Variants in PGM5 observed in about 807,000 individuals in gnomAD.
PGM5 encodes the protein phosphoglucomutase-like protein 5.
A neutral mutation model predicts 59.2 loss-of-function variants in PGM5; 23 were observed. The ratio of observed to expected loss-of-function variants is 0.39; its 90% CI spans 0.28 to 0.55. PGM5 has a LOEUF of 0.55. Among genes scored for constraint, PGM5 ranks in the 20% least tolerant of loss-of-function variants. The probability of loss-of-function intolerance (pLI) is 0.66; values close to 1 mark genes in which losing one functional copy is unlikely to be tolerated. For synonymous variants in PGM5, 214 were observed against 286.0 expected, an observed-to-expected ratio of 0.75 and a Z score of 2.54; for missense variants, 574 against 748.3, an observed-to-expected ratio of 0.77 and a Z score of 2.72.
intron 10 of PGM5, among the ~76,000 whole-genome samples, chr9:68,509,380 G>A (rs550363320): frequency 2.0e-5 from 3 of 152,144 alleles, no homozygotes; most frequent in Non-Finnish European, 2.9e-5. Context: ...CATTTTTGTT[G>A]GTACAAATCA....
rs1323228684 is a variant in PGM5, at chr9:68,465,100, A to G, written c.1051A>G (p.Lys351Glu). The G allele has an allele frequency of 6.2e-7, 1 of 1,600,514 alleles. No individual in the cohort carries two copies. Among genetic ancestry groups the G allele is most frequent in the African/African-American group, 1.3e-5 (1 of 74,506 alleles). Residue 351 changes from lysine to glutamate, a missense_variant, in exon 7 of 11, where the codon AAA becomes GAA. Physicochemically the swap from Lys to Glu is moderately conservative, Grantham distance 56 (BLOSUM62 1). This residue lies in a region of PGM5 where 8 missense variants were observed against 75.4 expected (regional missense o/e 0.11). Transcript: ENST00000396396. ...TCAAATTTCATTTTTCAGAGTGGCC[A>G]AATCAATGAAGGTCCCTGTATATGA... ...PTSMALDRVAKSMKVPVYETP... is the reference protein window; with the variant it reads ...PTSMALDRVAESMKVPVYETP...
At chr9:68,527,938 C>T (rs1825014697) in intron 10 of PGM5, among the ~76,000 whole-genome samples, 1 of 152,230 alleles carries the variant, frequency 6.6e-6, no homozygotes, top group African/African-American at 2.4e-5. Flanking sequence ...ACAAGACTGG[C>T]TCACATCTCT....
chr9:68,470,801 A>G (rs949140224), intron 7 of PGM5, among the ~76,000 whole-genome samples: 1 of 152,320 alleles, frequency 6.6e-6, no homozygotes, highest in African/African-American at 2.4e-5. Flanking sequence ...TGACAGCATT[A>G]TCAGTGCTAG....
In PGM5 at chr9:68,358,222, C is replaced by A. The variant is rs546817235; in HGVS notation, c.261+834C>A. On this transcript the variant is annotated intron_variant, in intron 1 of 10. Transcript: ENST00000396396. The stretch of plus-strand genomic sequence containing the variant: ...TTTTGGCATTTGACAACATTTCATG[C>A]CTCTTCCCCTTTCGGTTTTCATCCT... 4.9e-4 allele frequency among the ~76,000 whole-genome samples: 75 copies of A among 152,302 alleles called. 1 individual carries two copies. In the South Asian group the frequency reaches 0.015, roughly 30 times the overall value.
chr9:68,499,112 T>C, intron 9 of PGM5, 115 bp from the exon 10 acceptor site: 1 of 1,129,498 alleles, frequency 8.9e-7, no homozygotes, highest in Non-Finnish European at 1.3e-6. Flanking sequence ...ATAAATGGTC[T>C]TGATTCTGAT....
chr9:68,523,228 G>A (rs1824924460), intron 10 of PGM5, among the ~76,000 whole-genome samples: 1 of 152,196 alleles, frequency 6.6e-6, no homozygotes, highest in Non-Finnish European at 1.5e-5. Context: ...TGCAGCCTGG[G>A]TTTGGGCTGG....
chr9:68,465,033 G>C, intron 6 of PGM5, 60 bp from the exon 7 acceptor site: 2 of 1,109,804 alleles, frequency 1.8e-6, no homozygotes, highest in Non-Finnish European at 2.7e-6. Context: ...CTACTGTGCT[G>C]AGAAAAAAAA....
intron 10 of PGM5, among the ~76,000 whole-genome samples, chr9:68,515,422 C>T (rs1006809394): frequency 1.8e-4 from 28 of 152,222 alleles, no homozygotes; most frequent in African/African-American, 5.8e-4. Flanking sequence ...TGCTACTCAA[C>T]TCTGCCACTC....
chr9:68,522,894 G>C (rs1293689590), intron 10 of PGM5, among the ~76,000 whole-genome samples: 2 of 152,046 alleles, frequency 1.3e-5, no homozygotes, highest in African/African-American at 4.8e-5. Context: ...TTCTTCTCCT[G>C]GTTTCACCCT....
intron 3 of PGM5, among the ~76,000 whole-genome samples, chr9:68,386,975 T>C (rs2132004655): frequency 6.6e-6 from 1 of 151,980 alleles, no homozygotes; most frequent in Non-Finnish European, 1.5e-5. Flanking sequence ...TGCACTCGAA[T>C]CTGGTAGGCA....
intron 6 of PGM5, among the ~76,000 whole-genome samples, chr9:68,447,041 C>A (rs1394516526): frequency 1.3e-5 from 2 of 152,098 alleles, no homozygotes; most frequent in African/African-American, 2.4e-5. Flanking sequence ...GAACGTGGTG[C>A]GTGCAGGGAA....
At chr9:68,527,357 G>A (rs1220972274) in intron 10 of PGM5, among the ~76,000 whole-genome samples, 1 of 152,184 alleles carries the variant, frequency 6.6e-6, no homozygotes. Context: ...CTCAGCTAAA[G>A]TGATTGAGTT....
intron 6 of PGM5, among the ~76,000 whole-genome samples, chr9:68,425,807 G>GT (rs1176228021): frequency 6.6e-6 from 1 of 151,972 alleles, no homozygotes; most frequent in East Asian, 1.9e-4. Flanking sequence ...GACTTTCATT[G>GT]TAAGTAAACT....
intron 6 of PGM5, among the ~76,000 whole-genome samples, chr9:68,452,888 A>G (rs782772877): frequency 6.6e-6 from 1 of 152,206 alleles, no homozygotes; most frequent in African/African-American, 2.4e-5. Flanking sequence ...TGGACAAGAC[A>G]TCTTGCTGGG....
At chr9:68,396,549 G>T (rs1172693567) in intron 6 of PGM5, 15 of 152,242 alleles carry the variant, frequency 9.9e-5, no homozygotes, top group Non-Finnish European at 1.5e-5. Flanking sequence ...TCAGAAACCA[G>T]AGGCCTTGCT....
chr9:68,442,162 A>G (rs1587811419), intron 6 of PGM5, among the ~76,000 whole-genome samples: 1 of 152,240 alleles, frequency 6.6e-6, no homozygotes, highest in African/African-American at 2.4e-5. Context: ...AATTCCAATA[A>G]AAATTTCCAC....
chr9:68,376,809 CTT>C lies in PGM5; in HGVS notation c.262-1388_262-1387del, dbSNP rs1391199462. 6.3e-3 allele frequency among the ~76,000 whole-genome samples: 696 copies of C among 111,024 alleles called. 16 individuals carry two copies. The highest frequency in any genetic ancestry group is 0.02 in the African/African-American group (555 of 27,138). The allele number at this position is 111,024 out of a possible 152,430, so 72.8% of individuals were successfully genotyped here. ...TCTTTCTTTCTTTCTTTCTTTCTTT[CTT>C]TCTTTCTTTCTTTCTTTCTTTCTCT... On this transcript the variant is annotated intron_variant, in intron 1 of 10. Coordinates refer to ENST00000396396, the MANE Select transcript of PGM5 (RefSeq NM_021965.4).
chr9:68,377,071 C>T lies in PGM5; in HGVS notation c.262-1128C>T, dbSNP rs1419554995. Among the ~76,000 whole-genome samples, 5 of 151,810 alleles carry T rather than the reference C, an allele frequency of 3.3e-5. No homozygotes were observed. In the South Asian group the frequency reaches 1.0e-3, roughly 32 times the overall value. On this transcript the variant is annotated intron_variant, in intron 1 of 10. Coordinates refer to ENST00000396396, the MANE Select transcript of PGM5 (RefSeq NM_021965.4). The stretch of plus-strand genomic sequence containing the variant: ...CCCCCGGAGTAGCTGGGACTACAGG[C>T]GTGCACCACCATGCTCAGCTAATTT...
intron 7 of PGM5, among the ~76,000 whole-genome samples, chr9:68,479,188 T>A (rs1318357598): frequency 6.6e-6 from 1 of 152,232 alleles, no homozygotes; most frequent in Non-Finnish European, 1.5e-5. Flanking sequence ...CTTGGCTCTC[T>A]GATCCCTTCA....
Sources: allele counts gnomAD v4.1 joint callset (sites outside exome capture counted in the v4.1 genomes callset), GRCh38; gene constraint gnomAD v4.1.1; regional missense constraint gnomAD v4.1.1; transcripts MANE v1.5; gene names NCBI Gene and HGNC (gene_info 2026-07-23, HGNC 2026-07-21).